Variants in NSMCE1 observed in about 807,000 individuals in gnomAD.
NSMCE1 encodes non-structural maintenance of chromosomes element 1 homolog.
A neutral mutation model predicts 29.6 loss-of-function variants in NSMCE1; 18 were observed. The observed-to-expected ratio is 0.61, with a 90% CI of 0.42 to 0.90. The LOEUF (loss-of-function observed/expected upper bound fraction) is 0.90. Among genes scored for constraint, NSMCE1 ranks in the 40% least tolerant of loss-of-function variants. The pLI is 0.00. For synonymous variants in NSMCE1, 124 were observed against 133.4 expected, an observed-to-expected ratio of 0.93 and a Z score of 0.49; for missense variants, 314 against 343.6, an observed-to-expected ratio of 0.91 and a Z score of 0.68.
chr16:27,226,612 G>T, intron 6 of NSMCE1, 108 bp downstream of exon 6: 1 of 695,060 alleles, frequency 1.4e-6, no homozygotes, highest in Admixed American at 2.5e-5. Context: ...GGATGCGCCA[G>T]CAGTGCAGGA....
chr16:27,249,702 G>T lies in NSMCE1; in HGVS notation c.136+7733C>A, dbSNP rs536131886. The stretch of plus-strand genomic sequence containing the variant: ...ACAGTAAGTCTTGAAATCAGGCAGG[G>T]TTCCTCAAGTTTGTCTTTTTCAAAA... On this transcript the variant is annotated intron_variant, in intron 2 of 7. Transcript: ENST00000361439. Among the ~76,000 whole-genome samples the T allele has an allele frequency of 5.3e-4, 81 of 152,270 alleles. 1 individual carries two copies. The highest frequency in any genetic ancestry group is 1.8e-3 in the African/African-American group (74 of 41,558).
intron 5 of NSMCE1, among the ~76,000 whole-genome samples, chr16:27,231,159 C>T (rs2083758328): frequency 1.3e-5 from 2 of 152,216 alleles, no homozygotes; most frequent in Admixed American, 6.5e-5. Context: ...ATGTTCTAAT[C>T]CTCCTGTAAT....
At chr16:27,233,809 G>A (rs546029093) in intron 4 of NSMCE1, among the ~76,000 whole-genome samples, 1 of 152,382 alleles carries the variant, frequency 6.6e-6, no homozygotes, top group Non-Finnish European at 1.5e-5. Flanking sequence ...GGACTCAGCA[G>A]TCTAGAGTGG....
intron 2 of NSMCE1, among the ~76,000 whole-genome samples, chr16:27,252,993 C>T (rs914607592): frequency 6.6e-6 from 1 of 152,116 alleles, no homozygotes; most frequent in Non-Finnish European, 1.5e-5. Context: ...ATTAAACACA[C>T]AGAGGCGTTG....
At chr16:27,246,048 C>T (rs958893927) in intron 2 of NSMCE1, among the ~76,000 whole-genome samples, 8 of 152,234 alleles carry the variant, frequency 5.3e-5, no homozygotes, top group South Asian at 4.1e-4. Context: ...CAGCGTGAGA[C>T]GACGAAGCAG....
intron 1 of NSMCE1, among the ~76,000 whole-genome samples, chr16:27,261,365 C>G (rs2084155815): frequency 6.6e-6 from 1 of 151,258 alleles, no homozygotes; most frequent in Non-Finnish European, 1.5e-5. Flanking sequence ...AGAGCTAAAA[C>G]TTATAAACAA....
intron 5 of NSMCE1, among the ~76,000 whole-genome samples, chr16:27,227,590 G>A (rs1038684650): frequency 6.6e-6 from 1 of 152,180 alleles, no homozygotes; most frequent in Non-Finnish European, 1.5e-5. Context: ...CAAATGACAC[G>A]GGACCCAGGA....
intron 2 of NSMCE1, among the ~76,000 whole-genome samples, chr16:27,255,368 C>CCACA (rs2084076195): frequency 6.6e-6 from 1 of 152,116 alleles, no homozygotes; most frequent in Admixed American, 6.5e-5. Context: ...TTCAAGAGGG[C>CCACA]CACACTGTCC....
intron 1 of NSMCE1, among the ~76,000 whole-genome samples, chr16:27,261,102 G>A (rs947757357): frequency 1.3e-4 from 19 of 149,658 alleles, no homozygotes; most frequent in African/African-American, 4.7e-4. Flanking sequence ...GGGAGGCAGA[G>A]GTTGCAGCGA....
chr16:27,226,971 C>G, intron 5 of NSMCE1, 135 bp from the exon 6 acceptor site: 1 of 644,140 alleles, frequency 1.6e-6, no homozygotes, highest in Non-Finnish European at 2.8e-6. Flanking sequence ...CAACCCCAGC[C>G]AACGGGCATC....
Position 27,225,612 on chromosome 16 carries a change from G to C in NSMCE1, c.721+114C>G, listed in dbSNP as rs951143512. ...TTCTAGGATTCAAGCTGCTAACACGGACCCCCACACACCCTGGAGCCCTTC... is the reference window on the plus strand; with the variant it reads ...TTCTAGGATTCAAGCTGCTAACACGCACCCCCACACACCCTGGAGCCCTTC... On this transcript the variant is annotated intron_variant, in intron 7 of 7. Transcript: ENST00000361439. 40 of 1,244,982 alleles carry C rather than the reference G, an allele frequency of 3.2e-5. No homozygotes were observed. In the African/African-American group the frequency reaches 4.4e-4, roughly 14 times the overall value. The allele number at this position is 1,244,982 out of a possible 1,614,324, so 77.1% of individuals were successfully genotyped here. A position where few individuals can be genotyped will look rare whatever the true frequency, so the allele number is the denominator to read the frequency against.
chr16:27,264,473 C>T (rs1033025820), intron 1 of NSMCE1, among the ~76,000 whole-genome samples: 2 of 152,126 alleles, frequency 1.3e-5, no homozygotes, highest in Non-Finnish European at 2.9e-5. Context: ...ATCAATGGAA[C>T]AGAACAGAGA....
intron 7 of NSMCE1, 27 bp downstream of exon 7, chr16:27,225,698 TC>T: frequency 6.2e-7 from 1 of 1,613,154 alleles, no homozygotes; most frequent in South Asian, 1.1e-5. Flanking sequence ...GCCCAGCCCC[TC>T]CCATGAGCTC....
intron 2 of NSMCE1, among the ~76,000 whole-genome samples, chr16:27,243,506 C>A (rs768727224): frequency 6.6e-6 from 1 of 152,160 alleles, no homozygotes; most frequent in Admixed American, 6.5e-5. Flanking sequence ...CATCAACCTG[C>A]CCAGAAAGCC....
chr16:27,267,947 T>C (rs1423584323), intron 1 of NSMCE1, among the ~76,000 whole-genome samples: 2 of 152,138 alleles, frequency 1.3e-5, no homozygotes, highest in Non-Finnish European at 2.9e-5. Context: ...TTCACCATAT[T>C]AGCCAGGCTG....
chr16:27,227,453 G>A (rs1188671255), intron 5 of NSMCE1, among the ~76,000 whole-genome samples: 7 of 152,186 alleles, frequency 4.6e-5, no homozygotes, highest in East Asian at 1.9e-4. Flanking sequence ...GCCAGGGTGC[G>A]GTCCACCCAT....
chr16:27,226,653 G>GT, intron 6 of NSMCE1, 67 bp downstream of exon 6: 1 of 1,016,364 alleles, frequency 9.8e-7, no homozygotes, highest in East Asian at 2.4e-5. Context: ...ATTCCGGGAA[G>GT]TACCTGTACA....
At chr16:27,261,025 G>C (rs965992524) in intron 1 of NSMCE1, among the ~76,000 whole-genome samples, 1 of 151,604 alleles carries the variant, frequency 6.6e-6, no homozygotes, top group African/African-American at 2.4e-5. Context: ...AAATTAGCCA[G>C]GCATGGTGGT....
At chr16:27,247,287 A>T (rs985776380) in intron 2 of NSMCE1, among the ~76,000 whole-genome samples, 1 of 152,166 alleles carries the variant, frequency 6.6e-6, no homozygotes, top group Non-Finnish European at 1.5e-5. Flanking sequence ...TGACAGTTTT[A>T]TAAGGGTCTT....
Sources: gnomAD v4.1 joint callset for allele counts (sites outside exome capture counted in the v4.1 genomes callset) on GRCh38, gnomAD v4.1.1 for gene constraint, MANE v1.5 for transcripts, NCBI Gene and HGNC (gene_info 2026-07-23, HGNC 2026-07-21) for gene names.